JPH3: variants seen among roughly 807,000 people sequenced by gnomAD.
JPH3 encodes junctophilin-3.
In JPH3, 11 loss-of-function variants were observed where a neutral mutation model predicts 59.6. The observed-to-expected ratio is 0.18, with a 90% CI of 0.12 to 0.31. The LOEUF (loss-of-function observed/expected upper bound fraction) is 0.31, where lower values mean the gene tolerates loss of function less well. Ranked by LOEUF, JPH3 falls within the 10% of genes least tolerant of loss-of-function variation. The pLI is 1.00. For synonymous variants in JPH3, 673 were observed against 483.6 expected (o/e 1.39, Z -5.14); for missense variants, 1,202 against 1,105.7 (o/e 1.09, Z -1.24).
chr16:87,658,852 C>G (rs895190132), intron 2 of JPH3, among the ~76,000 whole-genome samples: 3 of 152,238 alleles, frequency 2.0e-5, no homozygotes, highest in Non-Finnish European at 4.4e-5. Flanking sequence ...TGGGTGGCCC[C>G]CCAGCCCCTA....
rs952691672 is a variant in JPH3, at chr16:87,645,166, A to G, written c.1160+131A>G. On this transcript the variant is annotated intron_variant, in intron 2 of 4. Coordinates refer to ENST00000284262, the MANE Select transcript of JPH3 (RefSeq NM_020655.4). The stretch of plus-strand genomic sequence containing the variant: ...TTGAGGCCTACACTGGTGTTTCTCA[A>G]ACTATGCCCCCATGGAACCCTAGGG... 1.5e-5 allele frequency: 14 copies of G among 936,438 alleles called. No homozygotes were observed. In the African/African-American group the frequency reaches 2.0e-4, roughly 13 times the overall value. The allele number at this position is 936,438 out of a possible 1,614,324, so 58.0% of individuals were successfully genotyped here.
chr16:87,646,104 G>A (rs1004783428), intron 2 of JPH3, among the ~76,000 whole-genome samples: 1 of 152,148 alleles, frequency 6.6e-6, no homozygotes, highest in Non-Finnish European at 1.5e-5. Context: ...GTTCCCCTGC[G>A]TCTTTCTGGA....
At chr16:87,630,664 G>T (rs1054754131) in intron 1 of JPH3, among the ~76,000 whole-genome samples, 2 of 152,168 alleles carry the variant, frequency 1.3e-5, no homozygotes, top group Admixed American at 1.3e-4. Context: ...CATAGTTTAA[G>T]GTGACATTTG....
At position 87,684,129 on chromosome 16, in the gene JPH3, C is replaced by G. The variant is rs1411468082; in HGVS notation, c.1161-13C>G. ...CCCCTGCCCCCCCTCACGCTCCTCC[C>G]TGTCTCCCCCAGGACCTCCCACTCT... On this transcript the variant is annotated splice_polypyrimidine_tract_variant and intron_variant, in intron 2 of 4. Transcript: ENST00000284262. 6 of 1,612,318 alleles carry G rather than the reference C, an allele frequency of 3.7e-6. No individual in the cohort carries two copies. Among genetic ancestry groups the G allele is most frequent in the Admixed American group, 3.3e-5 (2 of 59,972 alleles).
chr16:87,613,413 C>T (rs556589119), intron 1 of JPH3, among the ~76,000 whole-genome samples: 81 of 152,002 alleles, frequency 5.3e-4, no homozygotes, highest in Non-Finnish European at 8.8e-4. Flanking sequence ...CTCTGCTTCC[C>T]GAGTTCAAGC....
At chr16:87,690,868 C>A (rs901798572) in intron 4 of JPH3, among the ~76,000 whole-genome samples, 1 of 152,246 alleles carries the variant, frequency 6.6e-6, no homozygotes, top group African/African-American at 2.4e-5. Context: ...TGGTCAGTAG[C>A]CTTGGGCCGT....
chr16:87,685,241 C>T (rs1048169008), intron 3 of JPH3, among the ~76,000 whole-genome samples: 2 of 152,196 alleles, frequency 1.3e-5, no homozygotes, highest in East Asian at 1.9e-4. Context: ...GGGCGAGTGC[C>T]GGGCCCTGCA....
chr16:87,644,776 G>T lies in JPH3; in HGVS notation c.901G>T (p.Gly301Cys). 1 of 1,613,250 alleles carries T rather than the reference G, an allele frequency of 6.2e-7. No individual in the cohort carries two copies. The change falls in exon 2 of 5, where the codon GGC (glycine) becomes TGC (cysteine). Residue 301 changes from glycine to cysteine, a missense_variant. By Grantham distance (159) the Gly-to-Cys change is radical. Transcript: ENST00000284262. The part of the protein sequence containing the change: ...EWKNDKRSGF[G>C]VSQRSDGLKY... ...GAAGAACGACAAACGCTCCGGCTTCGGCGTGAGCCAGCGCTCGGACGGGCT... is the reference window on the plus strand; with the variant it reads ...GAAGAACGACAAACGCTCCGGCTTCTGCGTGAGCCAGCGCTCGGACGGGCT...
rs890225729 is a variant in JPH3 at position 87,679,517 on chromosome 16, C to G, written c.1161-4625C>G. On this transcript the variant is annotated intron_variant, in intron 2 of 4. Coordinates refer to ENST00000284262, the MANE Select transcript of JPH3 (RefSeq NM_020655.4). ...AAATAATTGCAGGGAGAGACTGTTA[C>G]CTAAGTTTCCTCCCCTTGAGCTGTT... Among the ~76,000 whole-genome samples the G allele has an allele frequency of 2.6e-5, 4 of 152,346 alleles. No individual in the cohort carries two copies. The East Asian group carries it at 7.7e-4, about 29-fold the overall frequency.
intron 1 of JPH3, among the ~76,000 whole-genome samples, chr16:87,642,510 T>C (rs151024998): frequency 6.6e-6 from 1 of 152,316 alleles, no homozygotes; most frequent in African/African-American, 2.4e-5. Context: ...AAAACAGCGG[T>C]GGGACGAATA....
intron 3 of JPH3, among the ~76,000 whole-genome samples, chr16:87,685,630 C>T (rs896266934): frequency 5.3e-5 from 8 of 152,240 alleles, no homozygotes; most frequent in African/African-American, 1.4e-4. Flanking sequence ...CCAGTGCCGT[C>T]GGGGGCACCT....
At chr16:87,645,432 A>G (rs2032114791) in intron 2 of JPH3, among the ~76,000 whole-genome samples, 1 of 152,214 alleles carries the variant, frequency 6.6e-6, no homozygotes, top group South Asian at 2.1e-4. Context: ...TGGCAGGTCC[A>G]GCACTGCAGG....
intron 2 of JPH3, among the ~76,000 whole-genome samples, chr16:87,663,012 T>C (rs1298312104): frequency 2.0e-5 from 3 of 152,204 alleles, no homozygotes; most frequent in Non-Finnish European, 4.4e-5. Context: ...AGCCTGTCTC[T>C]TTGGACCATA....
intron 1 of JPH3, among the ~76,000 whole-genome samples, chr16:87,642,509 G>T (rs1394073192): frequency 6.6e-6 from 1 of 152,236 alleles, no homozygotes; most frequent in Admixed American, 6.5e-5. Flanking sequence ...GAAAACAGCG[G>T]TGGGACGAAT....
At chr16:87,610,125 A>C (rs1382410271) in intron 1 of JPH3, among the ~76,000 whole-genome samples, 1 of 152,200 alleles carries the variant, frequency 6.6e-6, no homozygotes, top group Non-Finnish European at 1.5e-5. Flanking sequence ...ATGAGAATCT[A>C]ATGCTGCTGC....
chr16:87,636,282 G>A, intron 1 of JPH3, among the ~76,000 whole-genome samples: 1 of 152,248 alleles, frequency 6.6e-6, no homozygotes, highest in Middle Eastern at 3.2e-3. Flanking sequence ...GTTCAGCTCA[G>A]TTGCCCTCAG....
At chr16:87,657,146 C>G (rs986081871) in intron 2 of JPH3, among the ~76,000 whole-genome samples, 2 of 152,308 alleles carry the variant, frequency 1.3e-5, no homozygotes, top group African/African-American at 2.4e-5. Flanking sequence ...CAGGCCAGCG[C>G]TGAGCACCCT....
At chr16:87,632,403 A>G (rs1597247801) in intron 1 of JPH3, among the ~76,000 whole-genome samples, 1 of 152,108 alleles carries the variant, frequency 6.6e-6, no homozygotes, top group East Asian at 1.9e-4. Flanking sequence ...CCTTTCATTC[A>G]TTATTTATAT....
intron 1 of JPH3, among the ~76,000 whole-genome samples, chr16:87,607,362 A>G (rs1302969583): frequency 6.6e-6 from 1 of 152,172 alleles, no homozygotes; most frequent in African/African-American, 2.4e-5. Flanking sequence ...CCTCATACTC[A>G]GGTCCCGTTC....
Sources: allele counts gnomAD v4.1 joint callset (sites outside exome capture counted in the v4.1 genomes callset), GRCh38; gene constraint gnomAD v4.1.1; transcripts MANE v1.5; gene names NCBI Gene and HGNC (gene_info 2026-07-23, HGNC 2026-07-21).